FMN2: variants seen among roughly 807,000 people sequenced by gnomAD.
FMN2 encodes formin 2.
A neutral mutation model predicts 142.3 loss-of-function variants in FMN2; 51 were observed. That is an observed-to-expected ratio of 0.36 (90% CI 0.29 to 0.45). The LOEUF (loss-of-function observed/expected upper bound fraction) is 0.45. Among genes scored for constraint, FMN2 ranks in the 20% least tolerant of loss-of-function variants. The probability of loss-of-function intolerance (pLI) is 1.00; values close to 1 mark genes in which losing one functional copy is unlikely to be tolerated. For synonymous variants in FMN2, 882 were observed against 869.8 expected (o/e 1.01, Z -0.25); for missense variants, 1,936 against 2,122.8 (o/e 0.91, Z 1.73).
At chr1:240,260,595 G>T (rs1668593897) in intron 7 of FMN2, among the ~76,000 whole-genome samples, 1 of 151,930 alleles carries the variant, frequency 6.6e-6, no homozygotes, top group Non-Finnish European at 1.5e-5. Context: ...CTTTTTGATG[G>T]AATTGTTTGT....
chr1:240,388,631 G>A (rs1259309486), intron 14 of FMN2, among the ~76,000 whole-genome samples: 1 of 152,008 alleles, frequency 6.6e-6, no homozygotes, highest in Non-Finnish European at 1.5e-5. Flanking sequence ...GGAGGCTGAG[G>A]CAGGTGGATC....
At chr1:240,445,014 A>G (rs529153060) in intron 16 of FMN2, among the ~76,000 whole-genome samples, 1 of 152,342 alleles carries the variant, frequency 6.6e-6, no homozygotes, top group African/African-American at 2.4e-5. Context: ...TCATTCAGGC[A>G]TCAATTTTTA....
At chr1:240,451,119 G>C (rs1398220156) in intron 16 of FMN2, among the ~76,000 whole-genome samples, 1 of 152,126 alleles carries the variant, frequency 6.6e-6, no homozygotes, top group Non-Finnish European at 1.5e-5. Flanking sequence ...TGTAATCCTA[G>C]TGCTTTGGGA....
intron 2 of FMN2, among the ~76,000 whole-genome samples, chr1:240,159,974 T>C (rs146705699): frequency 0.25 from 33,859 of 133,902 alleles, 4,477 homozygotes; most frequent in Middle Eastern, 0.3. Flanking sequence ...TATATATATA[T>C]ACACACACAC....
rs1664301637 is a variant in FMN2, at chr1:240,162,033, G to A, written c.1783-15888G>A. On this transcript the variant is annotated intron_variant, in intron 2 of 17. Coordinates refer to ENST00000319653, the MANE Select transcript of FMN2 (RefSeq NM_020066.5). ...TGTAATCCCAGCGCTTTAGGGGGCT[G>A]AGATGGAAGGATCTCCTGAGCTCAG... Among the ~76,000 whole-genome samples the A allele has an allele frequency of 2.0e-5, 3 of 152,032 alleles. No homozygotes were observed. The South Asian group carries it at 6.2e-4, about 32-fold the overall frequency.
chr1:240,409,108 G>C (rs1446718518), intron 15 of FMN2, among the ~76,000 whole-genome samples: 29 of 152,094 alleles, frequency 1.9e-4, no homozygotes, highest in Non-Finnish European at 5.9e-5. Flanking sequence ...TCAGATATGA[G>C]ATTGTAGAGT....
chr1:240,460,912 C>T (rs1676428308), intron 16 of FMN2, among the ~76,000 whole-genome samples: 1 of 152,096 alleles, frequency 6.6e-6, no homozygotes, highest in African/African-American at 2.4e-5. Flanking sequence ...TCTTGAACTC[C>T]CACTCTGGGC....
chr1:240,143,580 T>C, intron 2 of FMN2: 2 of 1,606,900 alleles, frequency 1.2e-6, no homozygotes, highest in Non-Finnish European at 1.7e-6. Context: ...TCCCAGAGCC[T>C]GCCTATGCAC....
chr1:240,254,369 G>A (rs1211161291), intron 6 of FMN2, among the ~76,000 whole-genome samples: 2 of 152,036 alleles, frequency 1.3e-5, no homozygotes, highest in East Asian at 1.9e-4. Context: ...GCCCTCAGAA[G>A]GAGTGCTCAG....
At chr1:240,104,008 C>T (rs920656769) in intron 1 of FMN2, among the ~76,000 whole-genome samples, 1 of 151,704 alleles carries the variant, frequency 6.6e-6, no homozygotes, top group Non-Finnish European at 1.5e-5. Flanking sequence ...TCCCGAGTAG[C>T]TGGGACTACA....
chr1:240,117,015 A>T (rs1662051391), intron 1 of FMN2, among the ~76,000 whole-genome samples: 1 of 152,032 alleles, frequency 6.6e-6, no homozygotes, highest in Non-Finnish European at 1.5e-5. Flanking sequence ...GATACTGGGA[A>T]TGTCCAGCAA....
chr1:240,377,561 T>A (rs949046981), intron 14 of FMN2, among the ~76,000 whole-genome samples: 1 of 152,164 alleles, frequency 6.6e-6, no homozygotes, highest in Admixed American at 6.6e-5. Flanking sequence ...TGCCTTTTTT[T>A]AGACTCTAGA....
In FMN2 at chr1:240,408,031, C is replaced by A. The variant is rs568177288; in HGVS notation, c.4910+15469C>A. Among the ~76,000 whole-genome samples, 302 of 152,186 alleles carry A rather than the reference C, an allele frequency of 2.0e-3. 2 individuals carry two copies. Among genetic ancestry groups the A allele is most frequent in the Non-Finnish European group, 3.4e-3 (234 of 68,006 alleles). On this transcript the variant is annotated intron_variant, in intron 15 of 17. Coordinates refer to ENST00000319653, the MANE Select transcript of FMN2 (RefSeq NM_020066.5). The stretch of plus-strand genomic sequence containing the variant: ...CAAACTCTATTGTATATTATTTAAC[C>A]CACTAAAACAGCTCCCAAAGTTGAC...
chr1:240,236,503 G>A (rs1231596901), intron 6 of FMN2, among the ~76,000 whole-genome samples: 2 of 152,160 alleles, frequency 1.3e-5, no homozygotes, highest in South Asian at 2.1e-4. Flanking sequence ...AAAGAAAAGA[G>A]GTTTATTTGG....
intron 2 of FMN2, among the ~76,000 whole-genome samples, chr1:240,125,545 T>A (rs2103223615): frequency 6.6e-6 from 1 of 152,338 alleles, no homozygotes; most frequent in South Asian, 2.1e-4. Context: ...GGAACTATAA[T>A]TAGTATAGTG....
chr1:240,469,808 T>C (rs1676750305), intron 16 of FMN2, among the ~76,000 whole-genome samples: 1 of 152,136 alleles, frequency 6.6e-6, no homozygotes, highest in Non-Finnish European at 1.5e-5. Flanking sequence ...CATGAGTATC[T>C]CTCTCCTACT....
At chr1:240,316,441 T>C (rs1453529523) in intron 8 of FMN2, among the ~76,000 whole-genome samples, 3 of 152,066 alleles carry the variant, frequency 2.0e-5, no homozygotes, top group Admixed American at 6.6e-5. Context: ...AAGTAGTGCC[T>C]AGGGAAATGG....
chr1:240,238,807 CGGT>C (rs1351000585), intron 6 of FMN2, among the ~76,000 whole-genome samples: 3 of 152,070 alleles, frequency 2.0e-5, no homozygotes, highest in Admixed American at 2.0e-4. Flanking sequence ...ATTAGATACA[CGGT>C]GGAATAGTAA....
intron 14 of FMN2, among the ~76,000 whole-genome samples, chr1:240,357,001 C>A (rs537534954): frequency 1.3e-5 from 2 of 152,270 alleles, no homozygotes; most frequent in African/African-American, 4.8e-5. Context: ...CTCATTGATT[C>A]TTAACCGAAA....
Sources: gnomAD v4.1 joint callset for allele counts (sites outside exome capture counted in the v4.1 genomes callset) on GRCh38, gnomAD v4.1.1 for gene constraint, MANE v1.5 for transcripts, NCBI Gene and HGNC (gene_info 2026-07-23, HGNC 2026-07-21) for gene names.